ASPSCR1: variants seen among roughly 807,000 people sequenced by gnomAD.
ASPSCR1 encodes ASPSCR1 tether for SLC2A4, UBX domain containing.
ASPSCR1 carries 55 observed loss-of-function variants against 68.9 expected under a neutral mutation model. The observed-to-expected ratio is 0.80, with a 90% confidence interval of 0.64 to 1.00. The LOEUF is 1.00. ASPSCR1 is among the 50% of genes least tolerant of loss of function. The pLI, the probability that ASPSCR1 is intolerant of heterozygous loss-of-function variation, is 0.00. For missense variants in ASPSCR1, 765 were observed against 762.2 expected, an observed-to-expected ratio of 1.00 and a Z score of -0.04; for synonymous variants, 352 against 332.6, an observed-to-expected ratio of 1.06 and a Z score of -0.63.
intron 4 of ASPSCR1, among the ~76,000 whole-genome samples, chr17:81,988,148 CAAAA>C (rs756745360): frequency 2.0e-5 from 2 of 98,010 alleles, no homozygotes; most frequent in African/African-American, 3.7e-5. Context: ...GACTCTGTCT[CAAAA>C]AAAAAAAAAA....
At chr17:81,995,877 G>A (rs2042318294) in intron 5 of ASPSCR1, 115 bp from the exon 6 acceptor site, 9 of 969,130 alleles carry the variant, frequency 9.3e-6, no homozygotes, top group Non-Finnish European at 1.3e-5. Flanking sequence ...TGGGTAGGAT[G>A]GAGGCCAGAG....
In ASPSCR1 at chr17:81,998,001, A is replaced by C. The variant is rs546509917; in HGVS notation, c.933+1155A>C. Among the ~76,000 whole-genome samples, 51 of 149,370 alleles carry C rather than the reference A, an allele frequency of 3.4e-4. No individual in the cohort carries two copies. The South Asian group carries it at 0.01, about 30-fold the overall frequency. On this transcript the variant is annotated intron_variant, in intron 7 of 15. Coordinates refer to ENST00000306739, the MANE Select transcript of ASPSCR1 (RefSeq NM_024083.4). ...GCCACCACGCCCAGCTAATTTTTGT[A>C]TTTTTAGTAGAGACGGGGTTTCACC...
intron 7 of ASPSCR1, among the ~76,000 whole-genome samples, chr17:82,000,692 G>A (rs992500071): frequency 6.6e-6 from 1 of 152,240 alleles, no homozygotes; most frequent in African/African-American, 2.4e-5. Context: ...GTCCTCGGCC[G>A]AGACCCGGGG....
rs1391583601 is a variant in ASPSCR1, at chr17:81,984,775, ACACACACCCACACACACCCC to A, written c.274-719_274-700del. 5.3e-5 allele frequency among the ~76,000 whole-genome samples: 8 copies of A among 150,566 alleles called. No homozygotes were observed. The East Asian group carries it at 1.6e-3, about 30-fold the overall frequency. On this transcript the variant is annotated intron_variant, in intron 3 of 15. Transcript: ENST00000306739. ...ACTCCTGTGGCGCCTGCATGTACCC[ACACACACCCACACACACCCC>A]CACACACCCACATACCCGCACACCC...
At chr17:81,979,387 G>T in intron 2 of ASPSCR1, 148 bp downstream of exon 2, 3 of 824,546 alleles carry the variant, frequency 3.6e-6, no homozygotes, top group Non-Finnish European at 5.9e-6. Flanking sequence ...GCCTTGGCAG[G>T]GCCACACTCT....
chr17:81,986,084 G>A lies in ASPSCR1; in HGVS notation c.374+477G>A, dbSNP rs1198340736. ...CTCCCAAAGCGTTGAGATTACAGGT[G>A]TGAGCTCCTGTGCCCCACCAGAAAA... On this transcript the variant is annotated intron_variant, in intron 4 of 15. Transcript: ENST00000306739. The surrounding 1 kb of genome is among the most constrained non-coding windows in gnomAD (Gnocchi z 5.2). Among the ~76,000 whole-genome samples, 1 of 152,102 alleles carries A rather than the reference G, an allele frequency of 6.6e-6. No individual in the cohort carries two copies. The highest frequency in any genetic ancestry group is 1.5e-5 in the Non-Finnish European group (1 of 68,024).
In ASPSCR1 at chr17:82,017,351, C is replaced by G. The variant is rs1397938611; in HGVS notation, c.*29C>G. 2.5e-6 allele frequency: 4 copies of G among 1,612,184 alleles called. No homozygotes were observed. Among genetic ancestry groups the G allele is most frequent in the Non-Finnish European group, 3.4e-6 (4 of 1,179,914 alleles). ...CTGCCAGCCTGAGGTGCCCACTCCG[C>G]CAGCCACAGGACCACCTCCTCTGCC... On this transcript the variant is annotated 3_prime_UTR_variant, in exon 16 of 16. Coordinates refer to ENST00000306739, the MANE Select transcript of ASPSCR1 (RefSeq NM_024083.4).
intron 12 of ASPSCR1, chr17:82,016,092 A>G: frequency 4.5e-6 from 1 of 221,302 alleles, no homozygotes; most frequent in Non-Finnish European, 9.0e-6. Context: ...GGGATACCCC[A>G]GCCTGGCAGC....
rs748275712 is a variant in ASPSCR1 at position 82,016,940 on chromosome 17, G to A, written c.1476-1G>A. 2.5e-6 allele frequency: 4 copies of A among 1,610,940 alleles called. No homozygotes were observed. Among genetic ancestry groups the A allele is most frequent in the Non-Finnish European group, 3.4e-6 (4 of 1,178,548 alleles). On this transcript the variant is annotated splice_acceptor_variant, in intron 14 of 15. Transcript: ENST00000306739. LOFTEE classifies it high-confidence loss of function. The stretch of plus-strand genomic sequence containing the variant: ...CACTCTGTGTCTTCGCCTCCCCACA[G>A]GTACATGTCCAGGGCCGCCGGGTCC...
intron 2 of ASPSCR1, among the ~76,000 whole-genome samples, chr17:81,979,713 T>A (rs1028179157): frequency 7.2e-5 from 11 of 152,144 alleles, no homozygotes; most frequent in Non-Finnish European, 1.0e-4. Flanking sequence ...TTGAGTTGCA[T>A]AAGTTCCCAG....
chr17:81,984,729 G>C (rs957837109), intron 3 of ASPSCR1, among the ~76,000 whole-genome samples: 1 of 151,828 alleles, frequency 6.6e-6, no homozygotes, highest in African/African-American at 2.4e-5. Context: ...TGGGACACGA[G>C]GACTGTCTCC....
At chr17:82,002,744 G>T (rs2042577397) in intron 7 of ASPSCR1, among the ~76,000 whole-genome samples, 1 of 151,924 alleles carries the variant, frequency 6.6e-6, no homozygotes. Context: ...TTTTAGTAGA[G>T]ATGGGGTTTT....
intron 7 of ASPSCR1, among the ~76,000 whole-genome samples, chr17:81,998,183 CTGGTCTCG>C (rs1276382654): frequency 2.6e-5 from 4 of 152,150 alleles, no homozygotes; most frequent in Non-Finnish European, 4.4e-5. Context: ...GTTGCCCAGG[CTGGTCTCG>C]AATTCCTGGG....
intron 2 of ASPSCR1, among the ~76,000 whole-genome samples, chr17:81,979,612 C>T (rs2041729291): frequency 2.0e-5 from 3 of 152,182 alleles, no homozygotes; most frequent in African/African-American, 2.4e-5. Flanking sequence ...ACCAGGATCC[C>T]TAGTAAGATG....
rs779808008 is a variant in ASPSCR1, at chr17:81,983,362, G to T, written c.159-192G>T. On this transcript the variant is annotated intron_variant, in intron 2 of 15. Transcript: ENST00000306739. The surrounding 1 kb of genome is among the most constrained non-coding windows in gnomAD (Gnocchi z 4.4). Reference sequence around the variant, plus strand: ...TCCTGCTCCCTTCTGCTTGCAGGAGGCCCCATATGATCGGGGACCCGCCTT... The same window carrying T: ...TCCTGCTCCCTTCTGCTTGCAGGAGTCCCCATATGATCGGGGACCCGCCTT... Among the ~76,000 whole-genome samples, 1 of 152,018 alleles carries T rather than the reference G, an allele frequency of 6.6e-6. No homozygotes were observed.
At chr17:81,979,299 CA>C in intron 2 of ASPSCR1, 60 bp downstream of exon 2, 1 of 1,558,496 alleles carries the variant, frequency 6.4e-7, no homozygotes, top group East Asian at 2.2e-5. Flanking sequence ...GCCCCCTGAA[CA>C]TACTGGCTCT....
At chr17:81,994,906 TC>T (rs2042286090) in intron 5 of ASPSCR1, 28 bp downstream of exon 5, 1 of 1,592,664 alleles carries the variant, frequency 6.3e-7, no homozygotes, top group Non-Finnish European at 8.6e-7. Context: ...GCTCACCCAG[TC>T]CCCGCTCACT....
In ASPSCR1 at chr17:81,987,418, C is replaced by T. The variant is rs550884343; in HGVS notation, c.374+1811C>T. Among the ~76,000 whole-genome samples, 4 of 152,210 alleles carry T rather than the reference C, an allele frequency of 2.6e-5. No homozygotes were observed. The highest frequency in any genetic ancestry group is 9.6e-5 in the African/African-American group (4 of 41,456). On this transcript the variant is annotated intron_variant, in intron 4 of 15. Transcript: ENST00000306739. The surrounding 1 kb of genome is among the most constrained non-coding windows in gnomAD (Gnocchi z 5.6). ...GGGAACAGAAGTCAGGAAAGATGAA[C>T]GTCTGGAAGGAAATGCCCCTGGGCC...
At position 81,983,743 on chromosome 17, in the gene ASPSCR1, C is replaced by A; in HGVS notation, c.273+75C>A. The A allele has an allele frequency of 7.8e-7, 1 of 1,278,998 alleles. No homozygotes were observed. The highest frequency in any genetic ancestry group is 1.1e-6 in the Non-Finnish European group (1 of 907,222). The allele number at this position is 1,278,998 out of a possible 1,614,324, so 79.2% of individuals were successfully genotyped here. On this transcript the variant is annotated intron_variant, in intron 3 of 15. Transcript: ENST00000306739. This position sits in a 1 kb window ranked among gnomAD's most constrained non-coding sequence, Gnocchi z 4.4. ...AGCTGGCCAGGGACGGGGGACGGGA[C>A]AGTGGGGGGTGCTGGGGAAGGAGGG...
Sources: allele counts gnomAD v4.1 joint callset (sites outside exome capture counted in the v4.1 genomes callset), GRCh38; gene constraint gnomAD v4.1.1; non-coding constraint Gnocchi (gnomAD v3.1); transcripts MANE v1.5; gene names NCBI Gene and HGNC (gene_info 2026-07-23, HGNC 2026-07-21).